Variants in L3MBTL4 observed in about 807,000 individuals in gnomAD.
The protein encoded by L3MBTL4 is L3MBTL histone methyl-lysine binding protein 4, also known as lethal(3)malignant brain tumor-like protein 4.
Under a neutral mutation model 84.5 loss-of-function variants are expected in L3MBTL4, and 70 were observed. The ratio of observed to expected loss-of-function variants is 0.83; its 90% CI spans 0.68 to 1.01. The LOEUF (loss-of-function observed/expected upper bound fraction) is 1.01, where lower values mean the gene tolerates loss of function less well. L3MBTL4 is among the 50% of genes least tolerant of loss of function. The pLI, the probability that L3MBTL4 is intolerant of heterozygous loss-of-function variation, is 0.00. For missense variants in L3MBTL4, 715 were observed against 754.8 expected, an observed-to-expected ratio of 0.95 and a Z score of 0.62; for synonymous variants, 274 against 259.8, an observed-to-expected ratio of 1.05 and a Z score of -0.52.
chr18:6,039,587 A>G (rs75494747), intron 16 of L3MBTL4, among the ~76,000 whole-genome samples: 6,713 of 152,230 alleles, frequency 0.044, 216 homozygotes, highest in Non-Finnish European at 0.068. Context: ...GTTGACTGAT[A>G]TTTTAAAAAT....
intron 1 of L3MBTL4, among the ~76,000 whole-genome samples, chr18:6,401,738 C>T (rs887683922): frequency 8.5e-5 from 13 of 152,338 alleles, no homozygotes; most frequent in Middle Eastern, 3.4e-3. Context: ...ATTTGAAAAG[C>T]ATCCCCACAT....
chr18:6,282,811 G>A (rs1028702747), intron 4 of L3MBTL4, among the ~76,000 whole-genome samples: 11 of 152,110 alleles, frequency 7.2e-5, no homozygotes, highest in East Asian at 1.9e-4. Context: ...GTCCAAGCAC[G>A]GGGTGACAGC....
chr18:6,207,287 C>T (rs1246650710), intron 12 of L3MBTL4, among the ~76,000 whole-genome samples: 2 of 152,192 alleles, frequency 1.3e-5, no homozygotes, highest in Non-Finnish European at 2.9e-5. Flanking sequence ...AAAGGCACTG[C>T]CACCTGGTTT....
chr18:6,290,277 T>G (rs1391813514), intron 4 of L3MBTL4, among the ~76,000 whole-genome samples: 2 of 100,008 alleles, frequency 2.0e-5, no homozygotes, highest in Non-Finnish European at 4.3e-5. Flanking sequence ...CAGAAGGGTT[T>G]TTTTTTTTTT....
intron 13 of L3MBTL4, among the ~76,000 whole-genome samples, chr18:6,151,180 C>T (rs1308278133): frequency 6.6e-6 from 1 of 152,144 alleles, no homozygotes; most frequent in East Asian, 1.9e-4. Flanking sequence ...TTATGTGTTC[C>T]CCATTCAGGT....
At chr18:5,976,512 T>C (rs577058714) in intron 16 of L3MBTL4, among the ~76,000 whole-genome samples, 1 of 152,188 alleles carries the variant, frequency 6.6e-6, no homozygotes, top group Non-Finnish European at 1.5e-5. Context: ...TGTGGAGTAA[T>C]GATAACAGGG....
intron 16 of L3MBTL4, among the ~76,000 whole-genome samples, chr18:6,066,563 G>A (rs945298592): frequency 6.6e-6 from 1 of 152,072 alleles, no homozygotes; most frequent in African/African-American, 2.4e-5. Flanking sequence ...ATTTAGGATT[G>A]TAATATCTTC....
intron 1 of L3MBTL4, among the ~76,000 whole-genome samples, chr18:6,405,534 C>A (rs1308449961): frequency 6.6e-6 from 1 of 152,226 alleles, no homozygotes; most frequent in Non-Finnish European, 1.5e-5. Flanking sequence ...AGTGTCAGCA[C>A]AGGCCCTGAG....
intron 5 of L3MBTL4, among the ~76,000 whole-genome samples, chr18:6,246,131 C>T (rs542217914): frequency 1.3e-5 from 2 of 152,260 alleles, no homozygotes; most frequent in South Asian, 2.1e-4. Flanking sequence ...GTTTCATTGA[C>T]TTATTTGCCT....
At chr18:6,005,517 G>T (rs145319970) in intron 16 of L3MBTL4, among the ~76,000 whole-genome samples, 2 of 152,254 alleles carry the variant, frequency 1.3e-5, no homozygotes, top group African/African-American at 2.4e-5. Context: ...AGGCCCTGCT[G>T]TCTGTGGTTC....
At chr18:6,329,169 T>C (rs2051888074) in intron 1 of L3MBTL4, among the ~76,000 whole-genome samples, 1 of 130,642 alleles carries the variant, frequency 7.7e-6, no homozygotes, top group Admixed American at 7.4e-5. Flanking sequence ...TTTTTTTTTT[T>C]TTGAGACGGA....
chr18:6,014,010 T>G (rs1371574455), intron 16 of L3MBTL4, among the ~76,000 whole-genome samples: 1 of 152,156 alleles, frequency 6.6e-6, no homozygotes, highest in Non-Finnish European at 1.5e-5. Flanking sequence ...TGGCTGGCAA[T>G]GAGAAGACTT....
intron 16 of L3MBTL4, among the ~76,000 whole-genome samples, chr18:6,043,732 GTACT>G (rs1265170483): frequency 3.9e-5 from 6 of 152,178 alleles, no homozygotes. Flanking sequence ...GCCTAACACA[GTACT>G]TACTAAGTAG....
chr18:6,054,281 G>A (rs1367208757), intron 16 of L3MBTL4, among the ~76,000 whole-genome samples: 2 of 151,970 alleles, frequency 1.3e-5, no homozygotes, highest in Non-Finnish European at 1.5e-5. Context: ...AGTGCCCACC[G>A]GCTCGCATTA....
rs555041159 is a variant in L3MBTL4, at chr18:6,063,678, C to G, written c.1444+17203G>C. ...CTTTTGAGAAATGTCTATTCATGTC[C>G]TTTGCCCACTTTTTGATGAGATTAT... is the stretch of plus-strand genomic sequence containing the variant. On this transcript the variant is annotated intron_variant, in intron 16 of 18. Transcript: ENST00000317931. 2.3e-4 allele frequency among the ~76,000 whole-genome samples: 35 copies of G among 151,966 alleles called. No homozygotes were observed. In the East Asian group the frequency reaches 6.6e-3, roughly 29 times the overall value.
intron 1 of L3MBTL4, among the ~76,000 whole-genome samples, chr18:6,313,489 T>A (rs533209656): frequency 6.6e-6 from 1 of 152,376 alleles, no homozygotes; most frequent in African/African-American, 2.4e-5. Flanking sequence ...CAGGCACTTA[T>A]GTACTAAATT....
chr18:6,035,190 T>C (rs1399126788), intron 16 of L3MBTL4, among the ~76,000 whole-genome samples: 2,329 of 150,732 alleles, frequency 0.015, 65 homozygotes, highest in African/African-American at 0.053. Flanking sequence ...TTGTTGCCAT[T>C]GCTTTTGCTG....
At chr18:6,357,192 T>C (rs2053487331) in intron 1 of L3MBTL4, among the ~76,000 whole-genome samples, 1 of 152,134 alleles carries the variant, frequency 6.6e-6, no homozygotes, top group Admixed American at 6.5e-5. Context: ...TCCCCCAAAA[T>C]TGTAATTAAG....
At chr18:6,092,162 TAC>T (rs1325930884) in intron 15 of L3MBTL4, among the ~76,000 whole-genome samples, 1 of 152,220 alleles carries the variant, frequency 6.6e-6, no homozygotes, top group African/African-American at 2.4e-5. Flanking sequence ...AGCACTAATC[TAC>T]AGTCATGTGC....
Sources: gnomAD v4.1 joint callset for allele counts (sites outside exome capture counted in the v4.1 genomes callset) on GRCh38, gnomAD v4.1.1 for gene constraint, MANE v1.5 for transcripts, NCBI Gene and HGNC (gene_info 2026-07-23, HGNC 2026-07-21) for gene names.